The following EPHB1 variants were observed in gnomAD, a reference collection of about 807,000 sequenced individuals.
The protein encoded by EPHB1 is ephrin type-B receptor 1.
A neutral mutation model predicts 94.4 loss-of-function variants in EPHB1; 30 were observed. That is an observed-to-expected ratio of 0.32 (90% CI 0.24 to 0.43). The LOEUF is 0.43. Ranked by LOEUF, EPHB1 falls within the 20% of genes least tolerant of loss-of-function variation. The pLI, the probability that EPHB1 is intolerant of heterozygous loss-of-function variation, is 1.00. For missense variants in EPHB1, 1,055 were observed against 1,308.3 expected, an observed-to-expected ratio of 0.81 and a Z score of 2.99; for synonymous variants, 522 against 489.1, an observed-to-expected ratio of 1.07 and a Z score of -0.89.
At chr3:135,125,404 C>G (rs1020190753) in intron 4 of EPHB1, among the ~76,000 whole-genome samples, 4 of 152,038 alleles carry the variant, frequency 2.6e-5, no homozygotes, top group Non-Finnish European at 5.9e-5. Flanking sequence ...AGGTCCTGAA[C>G]CAACATGCTG....
intron 2 of EPHB1, among the ~76,000 whole-genome samples, chr3:134,928,424 G>A (rs185151536): frequency 2.0e-5 from 3 of 152,240 alleles, no homozygotes; most frequent in East Asian, 1.9e-4. Flanking sequence ...TATAACCTCC[G>A]GGGTGGCCAG....
intron 5 of EPHB1, among the ~76,000 whole-genome samples, chr3:135,133,427 G>A (rs995454043): frequency 3.9e-5 from 6 of 152,138 alleles, no homozygotes; most frequent in Non-Finnish European, 8.8e-5. Flanking sequence ...ATGGACAGAT[G>A]GACAGAGGGC....
chr3:134,942,072 C>T (rs2039130361), intron 2 of EPHB1, among the ~76,000 whole-genome samples: 1 of 152,194 alleles, frequency 6.6e-6, no homozygotes, highest in Non-Finnish European at 1.5e-5. Context: ...AGTTAATAAT[C>T]TGTTGGTTGT....
At chr3:135,208,957 G>T (rs1942968848) in intron 12 of EPHB1, among the ~76,000 whole-genome samples, 1 of 151,942 alleles carries the variant, frequency 6.6e-6, no homozygotes, top group Non-Finnish European at 1.5e-5. Flanking sequence ...TTTTTTTTGT[G>T]CCAGAAAATG....
chr3:134,887,229 C>T (rs1301083766), intron 1 of EPHB1, among the ~76,000 whole-genome samples: 8 of 152,170 alleles, frequency 5.3e-5, no homozygotes, highest in South Asian at 4.1e-4. Context: ...CTGGGGCCTG[C>T]GTTCTCCTCA....
chr3:135,079,655 C>T (rs1225546591), intron 3 of EPHB1, among the ~76,000 whole-genome samples: 2 of 152,106 alleles, frequency 1.3e-5, no homozygotes, highest in Non-Finnish European at 2.9e-5. Context: ...TCTTTCTCTT[C>T]AGCTTGATTG....
At position 134,860,150 on chromosome 3, in the gene EPHB1, GACAC is replaced by G. The variant is rs10642036; in HGVS notation, c.58+64479_58+64482del. On this transcript the variant is annotated intron_variant, in intron 1 of 15. Coordinates refer to ENST00000398015, the MANE Select transcript of EPHB1 (RefSeq NM_004441.5). Reference sequence around the variant, plus strand: ...CAGCTGTAACAAAAGAGAAGGAAGGGACACACACACACACACACACAGACACACA... The same window carrying G: ...CAGCTGTAACAAAAGAGAAGGAAGGGACACACACACACACACAGACACACA... Among the ~76,000 whole-genome samples, 55 of 142,836 alleles carry G rather than the reference GACAC, an allele frequency of 3.9e-4. 1 individual carries two copies. The highest frequency in any genetic ancestry group is 6.9e-4 in the South Asian group (3 of 4,354). The allele number at this position is 142,836 out of a possible 152,430, so 93.7% of individuals were successfully genotyped here.
At chr3:134,885,534 G>A (rs1284768378) in intron 1 of EPHB1, among the ~76,000 whole-genome samples, 1 of 152,182 alleles carries the variant, frequency 6.6e-6, no homozygotes, top group African/African-American at 2.4e-5. Flanking sequence ...CCCCAGGTTT[G>A]AGGAGAGTTG....
chr3:135,174,971 C>T (rs556832360), intron 9 of EPHB1, among the ~76,000 whole-genome samples: 10 of 152,210 alleles, frequency 6.6e-5, no homozygotes, highest in Non-Finnish European at 1.0e-4. Context: ...CAGGTTTGTA[C>T]TGGCACCCCT....
At position 135,053,005 on chromosome 3, in the gene EPHB1, GTA is replaced by G. The variant is rs1337401295; in HGVS notation, c.806-53435_806-53434del. ...TATGTGTGTGTATATATATGTGTGT[GTA>G]TATATATGTGTGTGTGTGTGTATAT... On this transcript the variant is annotated intron_variant, in intron 3 of 15. Coordinates refer to ENST00000398015, the MANE Select transcript of EPHB1 (RefSeq NM_004441.5). Among the ~76,000 whole-genome samples the G allele has an allele frequency of 6.6e-3, 565 of 84,990 alleles. 8 individuals carry two copies. Among genetic ancestry groups the G allele is most frequent in the South Asian group, 0.013 (33 of 2,554 alleles). 55.8% of individuals were successfully genotyped at this position (84,990 alleles called of 152,430 possible). A position where few individuals can be genotyped will look rare whatever the true frequency, so the allele number is the denominator to read the frequency against.
chr3:134,807,491 A>G (rs2036085741), intron 1 of EPHB1, among the ~76,000 whole-genome samples: 2 of 93,462 alleles, frequency 2.1e-5, no homozygotes, highest in Non-Finnish European at 2.2e-5. Context: ...GATTTGGGGA[A>G]GGAGTGTGTG....
intron 2 of EPHB1, among the ~76,000 whole-genome samples, chr3:134,948,110 A>C (rs2039246937): frequency 6.6e-6 from 1 of 152,096 alleles, no homozygotes; most frequent in Non-Finnish European, 1.5e-5. Context: ...TGCTTATTTA[A>C]ATACCTCCTG....
chr3:135,228,587 A>G (rs1402020423), intron 12 of EPHB1, among the ~76,000 whole-genome samples: 2 of 152,188 alleles, frequency 1.3e-5, no homozygotes, highest in African/African-American at 2.4e-5. Context: ...AAAACAAAGC[A>G]TCAATGTTTT....
At chr3:135,058,694 G>C (rs1000674989) in intron 3 of EPHB1, among the ~76,000 whole-genome samples, 3 of 152,170 alleles carry the variant, frequency 2.0e-5, no homozygotes, top group African/African-American at 7.2e-5. Flanking sequence ...AACATTGACT[G>C]TTCCCTGCAG....
At chr3:135,074,489 C>T (rs953016012) in intron 3 of EPHB1, among the ~76,000 whole-genome samples, 2 of 152,052 alleles carry the variant, frequency 1.3e-5, no homozygotes, top group Non-Finnish European at 2.9e-5. Flanking sequence ...TCCTTAGTAC[C>T]CTAGGACTTT....
chr3:135,234,719 C>T (rs928018468), intron 12 of EPHB1, among the ~76,000 whole-genome samples: 2 of 152,170 alleles, frequency 1.3e-5, no homozygotes, highest in Non-Finnish European at 2.9e-5. Context: ...TCCTTCTTCA[C>T]GTGGTGGCAG....
intron 4 of EPHB1, among the ~76,000 whole-genome samples, chr3:135,107,429 C>A (rs1030112278): frequency 6.6e-6 from 1 of 152,174 alleles, no homozygotes; most frequent in African/African-American, 2.4e-5. Context: ...GCTCCTACTC[C>A]TCTGAGCATT....
At chr3:135,257,577 T>C (rs901704168) in intron 15 of EPHB1, among the ~76,000 whole-genome samples, 49 of 152,112 alleles carry the variant, frequency 3.2e-4, no homozygotes, top group African/African-American at 1.1e-3. Context: ...CTGCCCGTTC[T>C]CAGATCTCCA....
rs201455708 is a variant in EPHB1 at position 135,106,596 on chromosome 3, A to G, written c.954A>G (p.Ala318=). The G allele has an allele frequency of 3.1e-4, 502 of 1,614,024 alleles. 3 individuals are homozygous for G. The East Asian group carries it at 5.0e-3, about 16-fold the overall frequency. ...CGGACTTTGACCCTCCAGAAGTGGC[A>G]TGCACTAGTAAGTGTCTAGTAATGG... ...YRADFDPPEV[A]CTSVPSGPRN... Residue 318 remains alanine, a synonymous_variant, in exon 4 of 16, where the codon GCA becomes GCG. Coordinates refer to ENST00000398015, the MANE Select transcript of EPHB1 (RefSeq NM_004441.5).
Sources: allele counts gnomAD v4.1 joint callset (sites outside exome capture counted in the v4.1 genomes callset), GRCh38; gene constraint gnomAD v4.1.1; transcripts MANE v1.5; gene names NCBI Gene and HGNC (gene_info 2026-07-23, HGNC 2026-07-21).